ARF3: variants seen among roughly 807,000 people sequenced by gnomAD.
ARF3 encodes the protein ADP-ribosylation factor 3.
A neutral mutation model predicts 19.3 loss-of-function variants in ARF3; 5 were observed. The observed-to-expected ratio is 0.26, with a 90% CI of 0.14 to 0.54. The LOEUF is 0.54. Among genes scored for constraint, ARF3 ranks in the 20% least tolerant of loss-of-function variants. The probability of loss-of-function intolerance (pLI) is 0.95; values close to 1 mark genes in which losing one functional copy is unlikely to be tolerated. For missense variants in ARF3, 77 were observed against 234.2 expected, an observed-to-expected ratio of 0.33 and a Z score of 4.38; for synonymous variants, 71 against 89.2, an observed-to-expected ratio of 0.80 and a Z score of 1.15.
chr12:48,950,183 T>G (rs1940439885), intron 1 of ARF3, among the ~76,000 whole-genome samples: 1 of 152,190 alleles, frequency 6.6e-6, no homozygotes, highest in Non-Finnish European at 1.5e-5. Context: ...ACTATAGGCA[T>G]GCACCACCAC....
At chr12:48,954,319 G>A (rs1157058057) in intron 1 of ARF3, among the ~76,000 whole-genome samples, 1 of 152,178 alleles carries the variant, frequency 6.6e-6, no homozygotes, top group Non-Finnish European at 1.5e-5. Context: ...GAAACTCATG[G>A]TAACAATCAT....
chr12:48,939,811 T>C lies in ARF3; in HGVS notation c.260-32A>G, dbSNP rs761645071. 1.5e-5 allele frequency: 24 copies of C among 1,612,840 alleles called. 1 individual carries two copies. The highest frequency in any genetic ancestry group is 3.3e-5 in the South Asian group (3 of 91,078). ...AGGCAGAGCATGGGCTGCACTAAGA[T>C]GACAGGTAACCCCCTCCCCCCAACC... On this transcript the variant is annotated intron_variant, in intron 3 of 4. Coordinates refer to ENST00000256682, the MANE Select transcript of ARF3 (RefSeq NM_001659.3). This position sits in a 1 kb window ranked among gnomAD's most constrained non-coding sequence, Gnocchi z 4.8.
intron 1 of ARF3, among the ~76,000 whole-genome samples, chr12:48,942,004 T>C (rs1242850499): frequency 6.6e-6 from 1 of 152,198 alleles, no homozygotes; most frequent in Non-Finnish European, 1.5e-5. Context: ...CCCTAAGCCT[T>C]TCGGCCTATT....
In ARF3 at chr12:48,938,971, G is replaced by A. The variant is rs1405045074; in HGVS notation, c.522C>T (p.Ala174=). The part of the protein sequence containing the change: ...DGLYEGLDWL[A]NQLKNKK Reference sequence around the variant, plus strand: ...TTCACTTCTTGTTTTTGAGCTGATTGGCCAGCCAGTCCAGGCCTTCGTACA... The same window carrying A: ...TTCACTTCTTGTTTTTGAGCTGATTAGCCAGCCAGTCCAGGCCTTCGTACA... Residue 174 remains alanine, a synonymous_variant, in exon 5 of 5, where the codon GCC becomes GCT. Coordinates refer to ENST00000256682, the MANE Select transcript of ARF3 (RefSeq NM_001659.3). 1 of 1,612,350 alleles carries A rather than the reference G, an allele frequency of 6.2e-7. No homozygotes were observed.
In ARF3 at chr12:48,936,650, C is replaced by T. The variant is rs1940148598; in HGVS notation, c.*2297G>A. 1 of 152,274 alleles carries T rather than the reference C, an allele frequency of 6.6e-6. No individual in the cohort carries two copies. Among genetic ancestry groups the T allele is most frequent in the African/African-American group, 2.4e-5 (1 of 41,332 alleles). The allele number at this position is 152,274 out of a possible 1,614,324, so 9.4% of individuals were successfully genotyped here. ...GCCCCAGATTGGTCCCTGGAGCCCC[C>T]AAAAAAACAAGGTGAGGGGTGAGGC... On this transcript the variant is annotated 3_prime_UTR_variant, in exon 5 of 5. Coordinates refer to ENST00000256682, the MANE Select transcript of ARF3 (RefSeq NM_001659.3).
chr12:48,951,478 G>A (rs915330453), intron 1 of ARF3, among the ~76,000 whole-genome samples: 15 of 152,098 alleles, frequency 9.9e-5, no homozygotes, highest in African/African-American at 3.1e-4. Flanking sequence ...AGGACTGCTT[G>A]AAGCCAGGTG....
At chr12:48,951,304 T>C (rs535614140) in intron 1 of ARF3, among the ~76,000 whole-genome samples, 2 of 152,170 alleles carry the variant, frequency 1.3e-5, no homozygotes, top group Non-Finnish European at 2.9e-5. Flanking sequence ...CTCATAGCTA[T>C]AATCCCAGCA....
chr12:48,952,026 CA>C (rs1940482195), intron 1 of ARF3, among the ~76,000 whole-genome samples: 1 of 152,026 alleles, frequency 6.6e-6, no homozygotes, highest in Non-Finnish European at 1.5e-5. Flanking sequence ...ATAGAACATA[CA>C]AAAGAAAAGA....
At chr12:48,946,893 CTA>C (rs1217227778) in intron 1 of ARF3, among the ~76,000 whole-genome samples, 1 of 152,196 alleles carries the variant, frequency 6.6e-6, no homozygotes, top group Non-Finnish European at 1.5e-5. Flanking sequence ...CAAGAATGTG[CTA>C]TGAGACACCT....
rs1940211685 is a variant in ARF3 at position 48,939,420 on chromosome 12, A to G, written c.384+235T>C. Reference sequence around the variant, plus strand: ...AGTGAGGCCAATTCTCCTAAAGTAGATAACAGGCAAGATGAAAGAAAGATT... The same window carrying G: ...AGTGAGGCCAATTCTCCTAAAGTAGGTAACAGGCAAGATGAAAGAAAGATT... On this transcript the variant is annotated intron_variant, in intron 4 of 4. Coordinates refer to ENST00000256682, the MANE Select transcript of ARF3 (RefSeq NM_001659.3). The surrounding 1 kb of genome is among the most constrained non-coding windows in gnomAD (Gnocchi z 4.8). Among the ~76,000 whole-genome samples the G allele has an allele frequency of 6.6e-6, 1 of 152,202 alleles. No homozygotes were observed.
At chr12:48,942,245 T>A (rs1042631321) in intron 1 of ARF3, among the ~76,000 whole-genome samples, 1 of 130,736 alleles carries the variant, frequency 7.6e-6, no homozygotes, top group African/African-American at 3.0e-5. Context: ...GCCTCAAAGC[T>A]TTTTTTTTTT....
chr12:48,939,531 A>G lies in ARF3; in HGVS notation c.384+124T>C. The G allele has an allele frequency of 7.4e-7, 1 of 1,357,956 alleles. No individual in the cohort carries two copies. Among genetic ancestry groups the G allele is most frequent in the Middle Eastern group, 1.9e-4 (1 of 5,228 alleles). The allele number at this position is 1,357,956 out of a possible 1,614,324, so 84.1% of individuals were successfully genotyped here. On this transcript the variant is annotated intron_variant, in intron 4 of 4. Coordinates refer to ENST00000256682, the MANE Select transcript of ARF3 (RefSeq NM_001659.3). The surrounding 1 kb of genome is among the most constrained non-coding windows in gnomAD (Gnocchi z 4.8). The stretch of plus-strand genomic sequence containing the variant: ...AGGGGCATAAAGAAGCCAAGTGCTC[A>G]GTTTCCCACGCTTCTAACATTGAGA...
chr12:48,944,342 C>T (rs563876639), intron 1 of ARF3, among the ~76,000 whole-genome samples: 1 of 152,232 alleles, frequency 6.6e-6, no homozygotes, highest in Non-Finnish European at 1.5e-5. Flanking sequence ...CTTCTTTGCT[C>T]GGCTGTCATG....
chr12:48,942,827 C>T (rs1047987137), intron 1 of ARF3, among the ~76,000 whole-genome samples: 3 of 152,196 alleles, frequency 2.0e-5, no homozygotes, highest in African/African-American at 7.2e-5. Flanking sequence ...CCTGCTGAGG[C>T]CGAGCGCAGT....
Position 48,938,702 on chromosome 12 carries a change from C to A in ARF3, c.*245G>T, listed in dbSNP as rs1940198611. 1.8e-6 allele frequency: 1 copy of A among 544,100 alleles called. No individual in the cohort carries two copies. Among genetic ancestry groups the A allele is most frequent in the East Asian group, 3.5e-5 (1 of 28,924 alleles). 33.7% of individuals were successfully genotyped at this position (544,100 alleles called of 1,614,324 possible). On this transcript the variant is annotated 3_prime_UTR_variant, in exon 5 of 5. Coordinates refer to ENST00000256682, the MANE Select transcript of ARF3 (RefSeq NM_001659.3). ...GAGGGGCCACCCCATGAAACCGTAA[C>A]AACTTTTTGTTTTAAATCCAGTAAA...
chr12:48,941,846 A>G (rs1940263091), intron 1 of ARF3, among the ~76,000 whole-genome samples: 1 of 152,238 alleles, frequency 6.6e-6, no homozygotes, highest in African/African-American at 2.4e-5. Flanking sequence ...ACAACAGTGC[A>G]CTGGCAGTAG....
rs1417324276 is a variant in ARF3, at chr12:48,938,390, T to A, written c.*557A>T. 2 of 454,326 alleles carry A rather than the reference T, an allele frequency of 4.4e-6. No homozygotes were observed. The highest frequency in any genetic ancestry group is 3.1e-5 in the South Asian group (2 of 64,480). The allele number at this position is 454,326 out of a possible 1,614,324, so 28.1% of individuals were successfully genotyped here. A position where few individuals can be genotyped will look rare whatever the true frequency, so the allele number is the denominator to read the frequency against. Reference sequence around the variant, plus strand: ...AGATGACAGGCTCCAGTGGGCAGTGTCCTGGCTGCAAGCCCTGAGCTTCAC... The same window carrying A: ...AGATGACAGGCTCCAGTGGGCAGTGACCTGGCTGCAAGCCCTGAGCTTCAC... On this transcript the variant is annotated 3_prime_UTR_variant, in exon 5 of 5. Transcript: ENST00000256682.
At chr12:48,944,486 A>C (rs764973925) in intron 1 of ARF3, among the ~76,000 whole-genome samples, 1 of 152,214 alleles carries the variant, frequency 6.6e-6, no homozygotes, top group African/African-American at 2.4e-5. Context: ...TTCTTCTTTT[A>C]TAAGTCTGTG....
chr12:48,949,620 G>T (rs527791705), intron 1 of ARF3, among the ~76,000 whole-genome samples: 10 of 152,094 alleles, frequency 6.6e-5, no homozygotes. Flanking sequence ...ATGGCTCACT[G>T]CAGCCTCCAT....
Sources: allele counts gnomAD v4.1 joint callset (sites outside exome capture counted in the v4.1 genomes callset), GRCh38; gene constraint gnomAD v4.1.1; non-coding constraint Gnocchi (gnomAD v3.1); transcripts MANE v1.5; gene names NCBI Gene and HGNC (gene_info 2026-07-23, HGNC 2026-07-21).